The following MOB4 variants were observed in gnomAD, a reference collection of about 807,000 sequenced individuals.
The protein encoded by MOB4 is MOB family member 4, phocein.
In MOB4, 4 loss-of-function variants were observed where a neutral mutation model predicts 32.2. The observed-to-expected ratio is 0.12, with a 90% CI of 0.06 to 0.28. The LOEUF (loss-of-function observed/expected upper bound fraction) is 0.28. Among genes scored for constraint, MOB4 ranks in the 10% least tolerant of loss-of-function variants. The pLI, the probability that MOB4 is intolerant of heterozygous loss-of-function variation, is 1.00. For synonymous variants in MOB4, 88 were observed against 88.1 expected, an observed-to-expected ratio of 1.00 and a Z score of 0.01; for missense variants, 158 against 271.2, an observed-to-expected ratio of 0.58 and a Z score of 2.93.
At chr2:197,518,343 C>T (rs573827543) in intron 1 of MOB4, among the ~76,000 whole-genome samples, 3 of 151,938 alleles carry the variant, frequency 2.0e-5, no homozygotes, top group Admixed American at 1.3e-4. Flanking sequence ...GATCTCGGCT[C>T]ACTGCAACCT....
At chr2:197,547,657 C>T (rs2087021313) in intron 5 of MOB4, among the ~76,000 whole-genome samples, 1 of 152,174 alleles carries the variant, frequency 6.6e-6, no homozygotes. Flanking sequence ...GAGCTACAGT[C>T]ATTGTTACTC....
intron 5 of MOB4, among the ~76,000 whole-genome samples, 187 bp from the exon 6 acceptor site, chr2:197,548,149 G>A (rs2087030921): frequency 1.3e-5 from 2 of 152,020 alleles, no homozygotes; most frequent in Non-Finnish European, 1.5e-5. Context: ...ATTGTGATAT[G>A]GTTCAAGGGG....
chr2:197,541,776 G>T (rs943007341), intron 5 of MOB4, among the ~76,000 whole-genome samples: 1 of 151,938 alleles, frequency 6.6e-6, no homozygotes, highest in African/African-American at 2.4e-5. Flanking sequence ...AAAATTAGCC[G>T]GGCGTAGTGG....
intron 6 of MOB4, among the ~76,000 whole-genome samples, chr2:197,549,611 G>A (rs1448816673): frequency 2.0e-5 from 3 of 151,662 alleles, no homozygotes; most frequent in Non-Finnish European, 2.9e-5. Context: ...GTGCAGTGGC[G>A]CAATCTCAGC....
At chr2:197,531,456 C>T (rs2086703122) in intron 2 of MOB4, among the ~76,000 whole-genome samples, 1 of 152,212 alleles carries the variant, frequency 6.6e-6, no homozygotes, top group Non-Finnish European at 1.5e-5. Context: ...AAATTCTATA[C>T]ATATTAAATA....
In MOB4 at chr2:197,540,341, T is replaced by C. The variant is rs775968356; in HGVS notation, c.268-10T>C. 1.3e-6 allele frequency: 2 copies of C among 1,547,582 alleles called. No individual in the cohort carries two copies. Among genetic ancestry groups the C allele is most frequent in the Non-Finnish European group, 8.7e-7 (1 of 1,155,342 alleles). ...TTTTACATATTAAGAAATATAATTA[T>C]TTTTAACAGAGTGAATGCCATCCAG... On this transcript the variant is annotated splice_polypyrimidine_tract_variant and intron_variant, in intron 4 of 7. Transcript: ENST00000323303.
intron 2 of MOB4, among the ~76,000 whole-genome samples, chr2:197,527,143 T>C (rs751349593): frequency 6.6e-6 from 1 of 152,104 alleles, no homozygotes; most frequent in Non-Finnish European, 1.5e-5. Context: ...CCATATAAAT[T>C]TGAGGATCAC....
chr2:197,524,087 AT>A (rs2086566991), intron 2 of MOB4, among the ~76,000 whole-genome samples: 1 of 152,188 alleles, frequency 6.6e-6, no homozygotes, highest in Admixed American at 6.5e-5. Context: ...GAAAAGATAA[AT>A]TAGCCAGGCA....
At chr2:197,527,575 A>G (rs2086631170) in intron 2 of MOB4, among the ~76,000 whole-genome samples, 1 of 152,192 alleles carries the variant, frequency 6.6e-6, no homozygotes, top group South Asian at 2.1e-4. Flanking sequence ...GGATCATGTC[A>G]TTTGTGGATA....
chr2:197,515,646 C>G (rs1395220270), upstream of MOB4: 1 of 169,102 alleles, frequency 5.9e-6, no homozygotes, highest in Non-Finnish European at 1.3e-5. Context: ...TAGGTGGCTT[C>G]TGGGACAGAA....
chr2:197,550,367 A>G lies in MOB4; in HGVS notation c.527A>G (p.Gln176Arg). The change falls in exon 7 of 8, where the codon CAG becomes CGG. Residue 176 changes from glutamine to arginine, a missense_variant. Coordinates refer to ENST00000323303, the MANE Select transcript of MOB4 (RefSeq NM_015387.5). ...IFSHAYFHHR[Q>R]IFDEYENETF... ...TCACATGCTTATTTTCATCATCGGC[A>G]GATATTTGATGAATATGAAGTAAGT... The G allele has an allele frequency of 2.5e-6, 4 of 1,613,820 alleles. No homozygotes were observed. The highest frequency in any genetic ancestry group is 3.4e-6 in the Non-Finnish European group (4 of 1,179,872).
chr2:197,527,098 A>C (rs1400698424), intron 2 of MOB4, among the ~76,000 whole-genome samples: 1 of 151,978 alleles, frequency 6.6e-6, no homozygotes, highest in Non-Finnish European at 1.5e-5. Flanking sequence ...TTTATTTTCA[A>C]GATTTTTTTT....
chr2:197,515,796 C>A, upstream of MOB4: 1 of 487,628 alleles, frequency 2.1e-6, no homozygotes, highest in South Asian at 2.4e-5. Flanking sequence ...GCGGTCGCTG[C>A]GATCACGACC....
intron 5 of MOB4, among the ~76,000 whole-genome samples, chr2:197,541,040 ACAGG>A (rs1359337345): frequency 1.3e-5 from 2 of 151,920 alleles, no homozygotes; most frequent in African/African-American, 4.8e-5. Context: ...GGCTGAGATT[ACAGG>A]CATGCGCTAT....
Position 197,528,606 on chromosome 2 carries a change from TTTTC to T in MOB4, c.123+4924_123+4927del, listed in dbSNP as rs768545105. 1.4e-4 allele frequency among the ~76,000 whole-genome samples: 21 copies of T among 148,206 alleles called. No homozygotes were observed. In the South Asian group the frequency reaches 1.5e-3, roughly 11 times the overall value. ...CTGATGTTCCCAATTTTCTTTTTCTTTTTCTTTTTCTTTTTTTTTTTTTTTTTGA... is the reference window on the plus strand; with the variant it reads ...CTGATGTTCCCAATTTTCTTTTTCTTTTTTTCTTTTTTTTTTTTTTTTTGA... On this transcript the variant is annotated intron_variant, in intron 2 of 7. Coordinates refer to ENST00000323303, the MANE Select transcript of MOB4 (RefSeq NM_015387.5).
intron 2 of MOB4, among the ~76,000 whole-genome samples, chr2:197,534,463 A>G (rs1317865822): frequency 2.6e-5 from 4 of 152,140 alleles, no homozygotes; most frequent in Non-Finnish European, 5.9e-5. Flanking sequence ...TGAACATACC[A>G]TACAAATCCC....
intron 1 of MOB4, among the ~76,000 whole-genome samples, chr2:197,520,405 C>T (rs1338725368): frequency 6.6e-6 from 1 of 152,114 alleles, no homozygotes. Context: ...TCCCAAAGTG[C>T]TGAGCGTGAG....
intron 2 of MOB4, among the ~76,000 whole-genome samples, chr2:197,530,364 C>T (rs2086679745): frequency 6.6e-6 from 1 of 151,770 alleles, no homozygotes. Context: ...AACTCCTGGA[C>T]TTAAGAGATT....
Position 197,516,375 on chromosome 2 carries a change from G to A in MOB4, c.60+229G>A, listed in dbSNP as rs561986862. 7.6e-5 allele frequency: 107 copies of A among 1,413,908 alleles called. No individual in the cohort carries two copies. The African/African-American group carries it at 1.4e-3, about 18-fold the overall frequency. The allele number at this position is 1,413,908 out of a possible 1,614,324, so 87.6% of individuals were successfully genotyped here. On this transcript the variant is annotated intron_variant, in intron 1 of 7. Transcript: ENST00000323303. The stretch of plus-strand genomic sequence containing the variant: ...CCAGGGGTAGGCGTGAGGGGCGGGT[G>A]GGGTCTGCTGGTGGTACCTGCCTGC...
Sources: allele counts gnomAD v4.1 joint callset (sites outside exome capture counted in the v4.1 genomes callset), GRCh38; gene constraint gnomAD v4.1.1; transcripts MANE v1.5; gene names NCBI Gene and HGNC (gene_info 2026-07-23, HGNC 2026-07-21).